The following ROCK1 variants were observed in gnomAD, a reference collection of about 807,000 sequenced individuals.
ROCK1 encodes Rho associated coiled-coil containing protein kinase 1.
Under a neutral mutation model 196.8 loss-of-function variants are expected in ROCK1, and 36 were observed. The ratio of observed to expected loss-of-function variants is 0.18; its 90% CI spans 0.14 to 0.24. The LOEUF is 0.24. ROCK1 is among the 10% of genes least tolerant of loss of function. ROCK1 has a pLI of 1.00. For missense variants in ROCK1, 920 were observed against 1,562.0 expected (o/e 0.59, Z 6.93); for synonymous variants, 443 against 515.9 (o/e 0.86, Z 1.91).
chr18:21,094,607 G>A, intron 1 of ROCK1, among the ~76,000 whole-genome samples: 1 of 151,570 alleles, frequency 6.6e-6, no homozygotes, highest in East Asian at 1.9e-4. Context: ...ACATTGGCCG[G>A]GCATGGTGGC....
intron 7 of ROCK1, 112 bp from the exon 8 acceptor site, chr18:21,042,347 A>C: frequency 9.4e-7 from 1 of 1,058,636 alleles, no homozygotes; most frequent in Non-Finnish European, 1.3e-6. Flanking sequence ...TATGTATTAA[A>C]CTAAAAACAT....
At chr18:21,055,283 T>C (rs1419927709) in intron 2 of ROCK1, among the ~76,000 whole-genome samples, 3 of 152,112 alleles carry the variant, frequency 2.0e-5, no homozygotes, top group Non-Finnish European at 4.4e-5. Flanking sequence ...AGCTGGCCCT[T>C]AGTTCTACTT....
Position 20,970,444 on chromosome 18 carries a change from A to G in ROCK1, c.2724T>C (p.Leu908=). The G allele has an allele frequency of 6.2e-7, 1 of 1,613,942 alleles. No homozygotes were observed. Among genetic ancestry groups the G allele is most frequent in the Non-Finnish European group, 8.5e-7 (1 of 1,179,838 alleles). Residue 908 remains leucine, a synonymous_variant, in exon 23 of 33, where the codon CTT becomes CTC. Transcript: ENST00000399799. ...KAESEQLARG[L]LEEQYFELTQ... ...TCAATTCAAAATACTGTTCTTCCAGAAGGCCTCGCGCCAACTGCTCAGACT... is the reference window on the plus strand; with the variant it reads ...TCAATTCAAAATACTGTTCTTCCAGGAGGCCTCGCGCCAACTGCTCAGACT...
chr18:21,082,721 T>A (rs1291802560), intron 1 of ROCK1, among the ~76,000 whole-genome samples: 1 of 152,166 alleles, frequency 6.6e-6, no homozygotes, highest in Non-Finnish European at 1.5e-5. Flanking sequence ...ACAGCTAACA[T>A]CATACTCAAT....
chr18:20,952,958 C>T (rs187051147), intron 32 of ROCK1, among the ~76,000 whole-genome samples: 181 of 152,140 alleles, frequency 1.2e-3, no homozygotes, highest in Non-Finnish European at 3.4e-4. Context: ...GAACGTCACG[C>T]ACCAGGGCCT....
At position 21,090,258 on chromosome 18, in the gene ROCK1, G is replaced by GT. The variant is rs202082065; in HGVS notation, c.94-19646dup. 6.6e-3 allele frequency among the ~76,000 whole-genome samples: 998 copies of GT among 152,310 alleles called. 13 individuals carry two copies. Among genetic ancestry groups the GT allele is most frequent in the African/African-American group, 0.023 (959 of 41,562 alleles). On this transcript the variant is annotated intron_variant, in intron 1 of 32. Transcript: ENST00000399799. ...GCGGGAGGATCCCTCGAACCTAATA[G>GT]TTTAAGACCAGCCTGGGCAACACAG...
intron 1 of ROCK1, among the ~76,000 whole-genome samples, chr18:21,094,674 G>T (rs1236795858): frequency 1.3e-5 from 2 of 151,454 alleles, no homozygotes; most frequent in Non-Finnish European, 2.9e-5. Flanking sequence ...ATCTGAGCCA[G>T]AGAGGTCAAT....
chr18:21,000,446 A>G (rs949758029), intron 16 of ROCK1, among the ~76,000 whole-genome samples: 7 of 152,058 alleles, frequency 4.6e-5, no homozygotes. Flanking sequence ...TATTTTTAGT[A>G]GAGACATGGT....
At chr18:21,055,383 C>A (rs558708983) in intron 2 of ROCK1, among the ~76,000 whole-genome samples, 1 of 152,226 alleles carries the variant, frequency 6.6e-6, no homozygotes, top group African/African-American at 2.4e-5. Flanking sequence ...CCACAGCTCT[C>A]CCACTGATCC....
intron 16 of ROCK1, among the ~76,000 whole-genome samples, chr18:20,995,574 A>G (rs2035663915): frequency 6.6e-6 from 1 of 152,102 alleles, no homozygotes; most frequent in East Asian, 1.9e-4. Flanking sequence ...CTGAAGGGAG[A>G]GTCCCAAGCC....
chr18:21,005,519 G>C (rs1239343249), intron 16 of ROCK1, among the ~76,000 whole-genome samples: 1 of 152,190 alleles, frequency 6.6e-6, no homozygotes, highest in South Asian at 2.1e-4. Context: ...TACATACCCT[G>C]CAGGAGTACC....
At position 21,049,086 on chromosome 18, in the gene ROCK1, T is replaced by G; in HGVS notation, c.414+6A>C. ...CAGCAATAATGAAAGAGTAGCAAAG[T>G]CATACCTGAACAACCCAAGGACTGT... On this transcript the variant is annotated splice_donor_region_variant and intron_variant, in intron 4 of 32. Coordinates refer to ENST00000399799, the MANE Select transcript of ROCK1 (RefSeq NM_005406.3). 7 of 1,585,930 alleles carry G rather than the reference T, an allele frequency of 4.4e-6. No homozygotes were observed. The highest frequency in any genetic ancestry group is 5.1e-6 in the Non-Finnish European group (6 of 1,165,896).
intron 27 of ROCK1, among the ~76,000 whole-genome samples, chr18:20,966,540 A>G (rs1219987955): frequency 6.6e-6 from 1 of 152,222 alleles, no homozygotes; most frequent in African/African-American, 2.4e-5. Flanking sequence ...TAGTTTTAGC[A>G]CAAGAATACA....
intron 1 of ROCK1, among the ~76,000 whole-genome samples, chr18:21,083,218 A>G (rs1454236173): frequency 6.6e-6 from 1 of 152,196 alleles, no homozygotes; most frequent in Non-Finnish European, 1.5e-5. Flanking sequence ...ATGTTCATGG[A>G]CTGGAAAAAA....
chr18:20,965,436 CATACATAT>C (rs1172425626), intron 27 of ROCK1, among the ~76,000 whole-genome samples: 32 of 151,618 alleles, frequency 2.1e-4, no homozygotes, highest in African/African-American at 7.3e-4. Flanking sequence ...TACATACATA[CATACATAT>C]ATACATAGAG....
chr18:21,004,853 T>C lies in ROCK1; in HGVS notation c.1885+1498A>G, dbSNP rs566477590. Among the ~76,000 whole-genome samples, 8 of 152,292 alleles carry C rather than the reference T, an allele frequency of 5.3e-5. No homozygotes were observed. In the East Asian group the frequency reaches 1.5e-3, roughly 29 times the overall value. On this transcript the variant is annotated intron_variant, in intron 16 of 32. Coordinates refer to ENST00000399799, the MANE Select transcript of ROCK1 (RefSeq NM_005406.3). ...GGTTACTTTCTTAGTTATAATCAGA[T>C]CTATTTTAAGCCTGGTCCCTGAGAA...
At chr18:21,043,037 T>C (rs887588667) in intron 6 of ROCK1, among the ~76,000 whole-genome samples, 2 of 152,120 alleles carry the variant, frequency 1.3e-5, no homozygotes, top group Non-Finnish European at 2.9e-5. Context: ...TACTGCCACA[T>C]TTATTATTCC....
intron 1 of ROCK1, among the ~76,000 whole-genome samples, chr18:21,079,015 TAGTGCCCCTCTC>T (rs2036459845): frequency 6.6e-6 from 1 of 152,176 alleles, no homozygotes; most frequent in Non-Finnish European, 1.5e-5. Flanking sequence ...TGTGCTTTAT[TAGTGCCCCTCTC>T]AGCCTTTCCA....
At chr18:20,972,816 C>A (rs942881049) in intron 22 of ROCK1, among the ~76,000 whole-genome samples, 6 of 152,146 alleles carry the variant, frequency 3.9e-5, no homozygotes, top group Non-Finnish European at 8.8e-5. Flanking sequence ...TGGAAGATAC[C>A]TGGTATGTCA....
Sources: gnomAD v4.1 joint callset for allele counts (sites outside exome capture counted in the v4.1 genomes callset) on GRCh38, gnomAD v4.1.1 for gene constraint, MANE v1.5 for transcripts, NCBI Gene and HGNC (gene_info 2026-07-23, HGNC 2026-07-21) for gene names.